UGT1A9: variants seen among roughly 807,000 people sequenced by gnomAD.
UGT1A9 encodes the protein UDP glucuronosyltransferase family 1 member A9, also known as UDP-glucuronosyltransferase 1A9.
A neutral mutation model predicts 45.0 loss-of-function variants in UGT1A9; 35 were observed. The observed-to-expected ratio is 0.78, with a 90% CI of 0.59 to 1.03. The LOEUF is 1.03. Among genes scored for constraint, UGT1A9 ranks in the 50% least tolerant of loss-of-function variants. The pLI is 0.00. For missense variants in UGT1A9, 687 were observed against 666.6 expected (o/e 1.03, Z -0.34); for synonymous variants, 278 against 250.6 (o/e 1.11, Z -1.03).
intron 1 of UGT1A9, among the ~76,000 whole-genome samples, chr2:233,699,289 G>A (rs2075496280): frequency 6.6e-6 from 1 of 151,998 alleles, no homozygotes; most frequent in African/African-American, 2.4e-5. Context: ...CCAGATGCTG[G>A]GACACTCTTA....
chr2:233,729,174 G>A, intron 1 of UGT1A9: 1 of 1,613,808 alleles, frequency 6.2e-7, no homozygotes, highest in Non-Finnish European at 8.5e-7. Flanking sequence ...CCACAGGACT[G>A]CTGCTTCTCC....
chr2:233,705,842 A>AAGTG lies in UGT1A9; in HGVS notation c.855+33054_855+33057dup, dbSNP rs2075874944. ...AGGCCGAGCACAGTGGCTGGAGCTG[A>AAGTG]AGTGGGAAGCTGAGGCAGGCAGATC... is the stretch of plus-strand genomic sequence containing the variant. On this transcript the variant is annotated intron_variant, in intron 1 of 4. Coordinates refer to ENST00000354728, the MANE Select transcript of UGT1A9 (RefSeq NM_021027.3). Among the ~76,000 whole-genome samples the AAGTG allele has an allele frequency of 2.6e-5, 4 of 152,238 alleles. No individual in the cohort carries two copies. In the South Asian group the frequency reaches 8.3e-4, roughly 32 times the overall value.
At chr2:233,709,129 A>T (rs2076058664) in intron 1 of UGT1A9, among the ~76,000 whole-genome samples, 1 of 152,130 alleles carries the variant, frequency 6.6e-6, no homozygotes, top group Non-Finnish European at 1.5e-5. Context: ...ATGGTGGCCA[A>T]GGGGATGAGA....
chr2:233,709,798 C>A (rs2076093019), intron 1 of UGT1A9, among the ~76,000 whole-genome samples: 1 of 152,132 alleles, frequency 6.6e-6, no homozygotes, highest in African/African-American at 2.4e-5. Context: ...TTTAATGATA[C>A]ATTTCTGAGT....
chr2:233,729,158 G>A (rs771653845), intron 1 of UGT1A9: 35 of 1,613,348 alleles, frequency 2.2e-5, no homozygotes, highest in East Asian at 4.5e-5. Context: ...CCCCTGCCGT[G>A]GCTGGCCACA....
chr2:233,759,024 C>T (rs1053899140), intron 1 of UGT1A9, among the ~76,000 whole-genome samples: 1 of 152,174 alleles, frequency 6.6e-6, no homozygotes, highest in Admixed American at 6.5e-5. Context: ...ATTTGCTTAT[C>T]TATTTGGTTT....
intron 1 of UGT1A9, among the ~76,000 whole-genome samples, chr2:233,756,648 T>A (rs1349644658): frequency 6.6e-6 from 1 of 152,160 alleles, no homozygotes; most frequent in East Asian, 1.9e-4. Flanking sequence ...GGGATAAACA[T>A]GGGATGCAGT....
chr2:233,720,732 G>A (rs1210720927), intron 1 of UGT1A9, among the ~76,000 whole-genome samples: 3 of 146,212 alleles, frequency 2.1e-5, no homozygotes, highest in African/African-American at 7.6e-5. Context: ...TTGAGACTGA[G>A]CCTCGTTCTG....
At chr2:233,695,433 TTC>T (rs979728696) in intron 1 of UGT1A9, among the ~76,000 whole-genome samples, 4 of 150,934 alleles carry the variant, frequency 2.7e-5, no homozygotes, top group East Asian at 1.9e-4. Flanking sequence ...CTTCTTCTTC[TTC>T]TTTTTTTTTT....
intron 1 of UGT1A9, among the ~76,000 whole-genome samples, chr2:233,707,313 A>G (rs1246275498): frequency 6.6e-6 from 1 of 152,146 alleles, no homozygotes; most frequent in African/African-American, 2.4e-5. Context: ...TTTGTTACAT[A>G]GCTAAACATG....
chr2:233,702,566 T>C (rs2075693872), intron 1 of UGT1A9, among the ~76,000 whole-genome samples: 1 of 152,194 alleles, frequency 6.6e-6, no homozygotes, highest in Non-Finnish European at 1.5e-5. Flanking sequence ...ATTCAGTCTT[T>C]TAGCAGATTA....
At chr2:233,699,547 G>A (rs2075511993) in intron 1 of UGT1A9, among the ~76,000 whole-genome samples, 1 of 152,188 alleles carries the variant, frequency 6.6e-6, no homozygotes, top group African/African-American at 2.4e-5. Context: ...ACATCATAGA[G>A]CCAGGTCATG....
At chr2:233,718,777 C>T (rs1347368179) in intron 1 of UGT1A9, 10 of 1,612,914 alleles carry the variant, frequency 6.2e-6, no homozygotes, top group Non-Finnish European at 8.5e-6. Context: ...ATGTAGCAGG[C>T]ACAGCGTGGG....
Position 233,712,878 on chromosome 2 carries a change from C to T in UGT1A9, c.855+40089C>T, listed in dbSNP as rs555357132. ...TAACTGGAGGAGGGCACTCTGTCTT[C>T]AATTACATGTTGATTTGCTAGGTGT... On this transcript the variant is annotated intron_variant, in intron 1 of 4. Transcript: ENST00000354728. The T allele has an allele frequency of 2.2e-5, 35 of 1,595,112 alleles. No homozygotes were observed. The African/African-American group carries it at 3.5e-4, about 16-fold the overall frequency.
intron 1 of UGT1A9, among the ~76,000 whole-genome samples, chr2:233,761,774 C>T (rs1257781750): frequency 1.3e-5 from 2 of 152,222 alleles, no homozygotes; most frequent in Non-Finnish European, 2.9e-5. Context: ...GCATTCACAT[C>T]CTCATCGAAA....
intron 1 of UGT1A9, among the ~76,000 whole-genome samples, chr2:233,711,380 C>T (rs555882590): frequency 7.9e-5 from 12 of 152,364 alleles, no homozygotes; most frequent in Admixed American, 7.8e-4. Flanking sequence ...AGAGCACCCT[C>T]CCAGGTGTGT....
chr2:233,681,904 A>C, intron 1 of UGT1A9: 1 of 1,596,134 alleles, frequency 6.3e-7, no homozygotes, highest in Non-Finnish European at 8.5e-7. Context: ...GGAGCTTAGA[A>C]TCCCAGCTGC....
At chr2:233,718,401 C>T (rs1023321432) in intron 1 of UGT1A9, among the ~76,000 whole-genome samples, 2 of 152,202 alleles carry the variant, frequency 1.3e-5, no homozygotes, top group Non-Finnish European at 2.9e-5. Flanking sequence ...TAGCAAATAG[C>T]GTCACATTCA....
intron 1 of UGT1A9, among the ~76,000 whole-genome samples, chr2:233,710,901 G>C (rs2076153104): frequency 6.6e-6 from 1 of 152,218 alleles, no homozygotes; most frequent in African/African-American, 2.4e-5. Flanking sequence ...GGTTTGGGTG[G>C]AAAGAGGTCT....
Sources: gnomAD v4.1 joint callset for allele counts (sites outside exome capture counted in the v4.1 genomes callset) on GRCh38, gnomAD v4.1.1 for gene constraint, MANE v1.5 for transcripts, NCBI Gene and HGNC (gene_info 2026-07-23, HGNC 2026-07-21) for gene names.